KATNIP: variants seen among roughly 807,000 people sequenced by gnomAD.
The protein encoded by KATNIP is katanin-interacting protein.
A neutral mutation model predicts 174.0 loss-of-function variants in KATNIP; 126 were observed. That is an observed-to-expected ratio of 0.72 (90% CI 0.63 to 0.84). The LOEUF (loss-of-function observed/expected upper bound fraction) is 0.84. Among genes scored for constraint, KATNIP ranks in the 40% least tolerant of loss-of-function variants. KATNIP has a pLI of 0.00. For missense variants in KATNIP, 1,958 were observed against 2,109.7 expected, an observed-to-expected ratio of 0.93 and a Z score of 1.41; for synonymous variants, 810 against 835.7, an observed-to-expected ratio of 0.97 and a Z score of 0.53.
At position 27,575,932 on chromosome 16, in the gene KATNIP, G is replaced by C. The variant is rs137980531; in HGVS notation, c.63+1976G>C. Among the ~76,000 whole-genome samples the C allele has an allele frequency of 2.1e-4, 32 of 152,254 alleles. No individual in the cohort carries two copies. The East Asian group carries it at 5.8e-3, about 28-fold the overall frequency. ...AATCTTTCTCTGGAGGCAGAAGCAAGTGCCTGTCTTCCCACAGCATCCTTC... is the reference window on the plus strand; with the variant it reads ...AATCTTTCTCTGGAGGCAGAAGCAACTGCCTGTCTTCCCACAGCATCCTTC... On this transcript the variant is annotated intron_variant, in intron 2 of 27. Transcript: ENST00000261588.
intron 8 of KATNIP, among the ~76,000 whole-genome samples, chr16:27,687,922 G>C (rs1044809509): frequency 2.0e-5 from 3 of 152,194 alleles, no homozygotes; most frequent in African/African-American, 7.2e-5. Flanking sequence ...TTCATTAACA[G>C]TAAGTGACAG....
intron 6 of KATNIP, 102 bp downstream of exon 6, chr16:27,648,837 C>A: frequency 7.9e-7 from 1 of 1,267,946 alleles, no homozygotes; most frequent in Non-Finnish European, 1.1e-6. Flanking sequence ...TTTATTCTGT[C>A]CTTCACTCGC....
In KATNIP at chr16:27,605,049, C is replaced by T. The variant is rs1463193672; in HGVS notation, c.64-13376C>T. Among the ~76,000 whole-genome samples the T allele has an allele frequency of 3.9e-5, 6 of 152,138 alleles. No homozygotes were observed. In the East Asian group the frequency reaches 1.2e-3, roughly 29 times the overall value. On this transcript the variant is annotated intron_variant, in intron 2 of 27. Transcript: ENST00000261588. ...GTTCAAGCAATTCTCCTGCCTCAGC[C>T]TCCTGAGTAGCTGGGATTACAGGCA... is the stretch of plus-strand genomic sequence containing the variant.
At chr16:27,766,114 T>C (rs1306587345) in intron 19 of KATNIP, among the ~76,000 whole-genome samples, 195 bp from the exon 20 acceptor site, 1 of 151,642 alleles carries the variant, frequency 6.6e-6, no homozygotes, top group Non-Finnish European at 1.5e-5. Flanking sequence ...TTTTAAAAAA[T>C]GTCTCATTTC....
intron 8 of KATNIP, among the ~76,000 whole-genome samples, chr16:27,692,826 C>A (rs2142923978): frequency 6.6e-6 from 1 of 152,330 alleles, no homozygotes; most frequent in East Asian, 1.9e-4. Flanking sequence ...CCCCTGTACT[C>A]CCACACCAAG....
At chr16:27,725,356 G>A (rs945367164) in intron 14 of KATNIP, among the ~76,000 whole-genome samples, 9 of 152,182 alleles carry the variant, frequency 5.9e-5, no homozygotes, top group East Asian at 1.9e-4. Context: ...TTGCCAACTC[G>A]GATGGGAAAC....
chr16:27,693,533 C>A (rs947658542), intron 8 of KATNIP, among the ~76,000 whole-genome samples: 12 of 152,238 alleles, frequency 7.9e-5, no homozygotes, highest in African/African-American at 2.9e-4. Context: ...GGATTACAGG[C>A]GCCCGCCACC....
chr16:27,773,857 C>T (rs989845962), intron 23 of KATNIP, among the ~76,000 whole-genome samples: 1 of 152,126 alleles, frequency 6.6e-6, no homozygotes, highest in Admixed American at 6.5e-5. Flanking sequence ...CTACCAGGCC[C>T]CGAAACTCAC....
At chr16:27,580,420 C>CT (rs1169647363) in intron 2 of KATNIP, among the ~76,000 whole-genome samples, 1 of 152,184 alleles carries the variant, frequency 6.6e-6, no homozygotes, top group Non-Finnish European at 1.5e-5. Flanking sequence ...GTCCTTGTTG[C>CT]TGTCTTGATC....
chr16:27,687,372 G>C (rs1242631498), intron 8 of KATNIP: 1 of 151,900 alleles, frequency 6.6e-6, no homozygotes, highest in Non-Finnish European at 1.5e-5. Context: ...CCAGCAAGAG[G>C]TTGGTCTGAA....
intron 15 of KATNIP, among the ~76,000 whole-genome samples, chr16:27,741,177 T>C (rs2081094619): frequency 6.6e-6 from 1 of 152,248 alleles, no homozygotes; most frequent in African/African-American, 2.4e-5. Flanking sequence ...CCCATTTTTC[T>C]TGCAACACAT....
chr16:27,569,662 C>T (rs1424665660), intron 1 of KATNIP, among the ~76,000 whole-genome samples: 1 of 152,214 alleles, frequency 6.6e-6, no homozygotes, highest in Non-Finnish European at 1.5e-5. Flanking sequence ...AATCTGGTTA[C>T]AGCACTTCCA....
chr16:27,685,555 A>C (rs2078491090), intron 8 of KATNIP, among the ~76,000 whole-genome samples: 1 of 152,194 alleles, frequency 6.6e-6, no homozygotes. Flanking sequence ...CATACAAAAA[A>C]TGCATGTCAC....
chr16:27,693,664 C>G (rs900919947), intron 8 of KATNIP, among the ~76,000 whole-genome samples: 1 of 152,182 alleles, frequency 6.6e-6, no homozygotes, highest in Non-Finnish European at 1.5e-5. Context: ...GCTGGGATTA[C>G]AGACGTGAGC....
intron 6 of KATNIP, among the ~76,000 whole-genome samples, chr16:27,674,915 C>G (rs2078058333): frequency 6.6e-6 from 1 of 152,212 alleles, no homozygotes; most frequent in African/African-American, 2.4e-5. Context: ...CTCAAAACTC[C>G]AAAATCTCAT....
intron 14 of KATNIP, chr16:27,727,401 CAA>C (rs2080491528): frequency 6.6e-6 from 1 of 152,664 alleles, no homozygotes; most frequent in Admixed American, 6.5e-5. Context: ...CTCTTGACCT[CAA>C]GTCATCCTCC....
At chr16:27,679,695 T>C (rs1264538347) in intron 7 of KATNIP, among the ~76,000 whole-genome samples, 1 of 142,830 alleles carries the variant, frequency 7.0e-6, no homozygotes, top group Non-Finnish European at 1.5e-5. Flanking sequence ...GAAGCTGCAG[T>C]GAGCCGTGAT....
chr16:27,752,910 C>A (rs1415602930), intron 17 of KATNIP, among the ~76,000 whole-genome samples: 1 of 151,996 alleles, frequency 6.6e-6, no homozygotes, highest in Non-Finnish European at 1.5e-5. Context: ...CAAGTCAGGA[C>A]CAATAGGAAA....
At chr16:27,699,284 C>T (rs546134795) in intron 9 of KATNIP, among the ~76,000 whole-genome samples, 73 of 152,284 alleles carry the variant, frequency 4.8e-4, no homozygotes, top group Non-Finnish European at 3.1e-4. Flanking sequence ...GAGATCTGCC[C>T]GCCTGCAAGC....
Sources: gnomAD v4.1 joint callset for allele counts (sites outside exome capture counted in the v4.1 genomes callset) on GRCh38, gnomAD v4.1.1 for gene constraint, MANE v1.5 for transcripts, NCBI Gene and HGNC (gene_info 2026-07-23, HGNC 2026-07-21) for gene names.